Variants in MCTP1 observed in about 807,000 individuals in gnomAD.
MCTP1 encodes the protein multiple C2 and transmembrane domain containing 1, also known as multiple C2 and transmembrane domain-containing protein 1.
Under a neutral mutation model 120.6 loss-of-function variants are expected in MCTP1, and 69 were observed. The ratio of observed to expected loss-of-function variants is 0.57; its 90% CI spans 0.47 to 0.70. The LOEUF (loss-of-function observed/expected upper bound fraction) is 0.70. MCTP1 is among the 30% of genes least tolerant of loss of function. MCTP1 has a pLI of 0.00. For missense variants in MCTP1, 1,203 were observed against 1,248.8 expected, an observed-to-expected ratio of 0.96 and a Z score of 0.55; for synonymous variants, 529 against 493.1, an observed-to-expected ratio of 1.07 and a Z score of -0.96.
chr5:95,126,488 A>T (rs1302175014), intron 1 of MCTP1, among the ~76,000 whole-genome samples: 1 of 152,246 alleles, frequency 6.6e-6, no homozygotes, highest in Non-Finnish European at 1.5e-5. Flanking sequence ...TACCTCAATG[A>T]AAAACACAGG....
chr5:95,124,767 C>T (rs1758500477), intron 1 of MCTP1, among the ~76,000 whole-genome samples: 1 of 152,200 alleles, frequency 6.6e-6, no homozygotes, highest in African/African-American at 2.4e-5. Context: ...GGCTAAACCG[C>T]TTAGTCCAAA....
chr5:94,736,852 AT>A (rs988123281), intron 19 of MCTP1, among the ~76,000 whole-genome samples: 1 of 152,168 alleles, frequency 6.6e-6, no homozygotes, highest in African/African-American at 2.4e-5. Context: ...TCACTGCATT[AT>A]TTTTTAACTT....
At chr5:95,000,231 A>G (rs1561994782) in intron 2 of MCTP1, among the ~76,000 whole-genome samples, 2 of 152,220 alleles carry the variant, frequency 1.3e-5, no homozygotes, top group Non-Finnish European at 1.5e-5. Flanking sequence ...AGACTAGCAC[A>G]TACAGTTATG....
chr5:95,035,808 G>A (rs1841194167), intron 1 of MCTP1, among the ~76,000 whole-genome samples: 3 of 152,004 alleles, frequency 2.0e-5, no homozygotes, highest in Non-Finnish European at 4.4e-5. Context: ...TACAAAGTAG[G>A]TTCTTCCTGC....
chr5:95,176,250 C>G (rs193090096), intron 1 of MCTP1, among the ~76,000 whole-genome samples: 309 of 152,214 alleles, frequency 2.0e-3, no homozygotes, highest in African/African-American at 7.3e-3. Context: ...GTAGGCCATG[C>G]GTGGTGGCTC....
chr5:95,265,109 C>G (rs1004074563), intron 1 of MCTP1, among the ~76,000 whole-genome samples: 1 of 152,180 alleles, frequency 6.6e-6, no homozygotes. Flanking sequence ...ACCCACCACT[C>G]CTCAAATGTT....
intron 6 of MCTP1, among the ~76,000 whole-genome samples, chr5:94,929,216 T>G (rs1813919048): frequency 6.6e-6 from 1 of 151,396 alleles, no homozygotes; most frequent in East Asian, 2.0e-4. Flanking sequence ...GAAGAAAAAC[T>G]CCATACTGGA....
Position 94,751,275 on chromosome 5 carries a change from A to C in MCTP1, c.2610+27835T>G, listed in dbSNP as rs567286680. Among the ~76,000 whole-genome samples, 3 of 152,200 alleles carry C rather than the reference A, an allele frequency of 2.0e-5. No homozygotes were observed. In the South Asian group the frequency reaches 6.2e-4, roughly 32 times the overall value. On this transcript the variant is annotated intron_variant, in intron 19 of 22. Transcript: ENST00000515393. ...ACAGAAAGAAACTGAAATCCATGACAGTGATGACTTAATAATATTGCAAAT... is the reference window on the plus strand; with the variant it reads ...ACAGAAAGAAACTGAAATCCATGACCGTGATGACTTAATAATATTGCAAAT...
chr5:94,972,611 A>G (rs1224481112), intron 2 of MCTP1, among the ~76,000 whole-genome samples: 2 of 152,170 alleles, frequency 1.3e-5, no homozygotes, highest in Non-Finnish European at 2.9e-5. Context: ...TCAGCTCTAG[A>G]TCTTTCTGGG....
chr5:94,949,114 C>T (rs1581512140), intron 3 of MCTP1, among the ~76,000 whole-genome samples: 1 of 152,250 alleles, frequency 6.6e-6, no homozygotes, highest in East Asian at 1.9e-4. Flanking sequence ...AATTAATACT[C>T]CAATCTCCAA....
chr5:95,029,351 C>T (rs1162473025), intron 1 of MCTP1, among the ~76,000 whole-genome samples: 1 of 152,062 alleles, frequency 6.6e-6, no homozygotes, highest in Non-Finnish European at 1.5e-5. Context: ...ATTTTGAGCT[C>T]TAGAAGCCTC....
rs2153681352 is a variant in MCTP1, at chr5:95,024,292, A to C, written c.721-6808T>G. On this transcript the variant is annotated intron_variant, in intron 1 of 22. Transcript: ENST00000515393. ...ATTTTTGTATAAAGAGTGAGATAAG[A>C]GTCTAAAAACGATATGGCATATCAA... Among the ~76,000 whole-genome samples the C allele has an allele frequency of 2.0e-5, 3 of 152,238 alleles. No homozygotes were observed. In the Middle Eastern group the frequency reaches 0.01, roughly 518 times the overall value.
intron 2 of MCTP1, among the ~76,000 whole-genome samples, chr5:95,001,226 A>C (rs1833622153): frequency 6.6e-6 from 1 of 152,180 alleles, no homozygotes; most frequent in Admixed American, 6.5e-5. Flanking sequence ...TAAATTACCC[A>C]GTGTCGGGTA....
At chr5:95,232,508 GA>G (rs1755081348) in intron 1 of MCTP1, among the ~76,000 whole-genome samples, 1 of 150,272 alleles carries the variant, frequency 6.7e-6, no homozygotes, top group African/African-American at 2.5e-5. Context: ...GCCCAGGCTG[GA>G]ATGCAGTGGC....
intron 1 of MCTP1, among the ~76,000 whole-genome samples, chr5:95,118,296 T>C (rs1425578651): frequency 2.6e-5 from 4 of 152,216 alleles, no homozygotes; most frequent in African/African-American, 9.6e-5. Context: ...TGTTTGTTTA[T>C]GCAAGCAGTA....
At chr5:95,082,685 AATT>A (rs1361325787) in intron 1 of MCTP1, among the ~76,000 whole-genome samples, 1 of 152,178 alleles carries the variant, frequency 6.6e-6, no homozygotes, top group Non-Finnish European at 1.5e-5. Flanking sequence ...ATCATAATAA[AATT>A]ATTAAATATT....
chr5:94,882,053 A>G (rs796138169), intron 12 of MCTP1, among the ~76,000 whole-genome samples: 1 of 152,252 alleles, frequency 6.6e-6, no homozygotes, highest in African/African-American at 2.4e-5. Flanking sequence ...TCTTTTCTTT[A>G]TTCTCTATGG....
intron 1 of MCTP1, among the ~76,000 whole-genome samples, chr5:95,041,206 C>T (rs1842295281): frequency 6.7e-6 from 1 of 148,922 alleles, no homozygotes; most frequent in African/African-American, 2.5e-5. Flanking sequence ...ACTACTTTTA[C>T]AGATGTGGAA....
At chr5:94,796,871 G>A (rs1432960583) in intron 18 of MCTP1, among the ~76,000 whole-genome samples, 1 of 151,736 alleles carries the variant, frequency 6.6e-6, no homozygotes, top group African/African-American at 2.4e-5. Flanking sequence ...AACAGAATAT[G>A]TGGATCTGTG....
Sources: allele counts gnomAD v4.1 joint callset (sites outside exome capture counted in the v4.1 genomes callset), GRCh38; gene constraint gnomAD v4.1.1; transcripts MANE v1.5; gene names NCBI Gene and HGNC (gene_info 2026-07-23, HGNC 2026-07-21).